The following NLN variants were observed in gnomAD, a reference collection of about 807,000 sequenced individuals.
NLN encodes the protein neurolysin.
A neutral mutation model predicts 79.9 loss-of-function variants in NLN; 64 were observed. The observed-to-expected ratio is 0.80, with a 90% CI of 0.65 to 0.99. The LOEUF is 0.99. Among genes scored for constraint, NLN ranks in the 50% least tolerant of loss-of-function variants. The pLI is 0.00. For missense variants in NLN, 835 were observed against 858.7 expected, an observed-to-expected ratio of 0.97 and a Z score of 0.34; for synonymous variants, 267 against 296.6, an observed-to-expected ratio of 0.90 and a Z score of 1.02.
At chr5:65,771,963 C>CAA (rs3081187) in intron 3 of NLN, among the ~76,000 whole-genome samples, 8,199 of 137,734 alleles carry the variant, frequency 0.06, 431 homozygotes, top group African/African-American at 0.14. Flanking sequence ...AAAACAATGA[C>CAA]AAAAAAAAAA....
chr5:65,787,499 A>C (rs1759956571), intron 7 of NLN, among the ~76,000 whole-genome samples: 2 of 152,214 alleles, frequency 1.3e-5, no homozygotes, highest in Admixed American at 6.5e-5. Context: ...AATGTAAAAA[A>C]TAAATACATA....
Position 65,785,875 on chromosome 5 carries a change from C to A in NLN, c.923C>A (p.Thr308Asn). The part of the protein sequence containing the change: ...THADFVLEMN[T>N]AKSTSRVTAF... The stretch of plus-strand genomic sequence containing the variant: ...GCTGACTTCGTCCTTGAAATGAACA[C>A]TGCAAAGAGCACAAGCCGCGTAACA... The change falls in exon 7 of 13, where the codon ACT (threonine) becomes AAT (asparagine). Residue 308 changes from threonine (T) to asparagine (N), a missense_variant. Physicochemically the swap from Thr to Asn is moderately conservative, Grantham distance 65. Coordinates refer to ENST00000380985, the MANE Select transcript of NLN (RefSeq NM_020726.5). 1 of 1,613,738 alleles carries A rather than the reference C, an allele frequency of 6.2e-7. No homozygotes were observed. Among genetic ancestry groups the A allele is most frequent in the Non-Finnish European group, 8.5e-7 (1 of 1,179,808 alleles).
At chr5:65,775,054 C>T (rs965510659) in intron 3 of NLN, among the ~76,000 whole-genome samples, 70 of 152,148 alleles carry the variant, frequency 4.6e-4, no homozygotes, top group Non-Finnish European at 4.7e-4. Context: ...GACCTAATTC[C>T]GGGCTGATTT....
chr5:65,750,959 A>C (rs896049720), intron 1 of NLN, among the ~76,000 whole-genome samples: 6 of 152,166 alleles, frequency 3.9e-5, no homozygotes, highest in Non-Finnish European at 7.3e-5. Flanking sequence ...TAGTCAAAAC[A>C]ATGGCTAGAA....
At chr5:65,813,613 C>A (rs1488822495) in intron 12 of NLN, among the ~76,000 whole-genome samples, 2 of 152,154 alleles carry the variant, frequency 1.3e-5, no homozygotes, top group Non-Finnish European at 2.9e-5. Flanking sequence ...CAGATGATCT[C>A]TCCTCTTTAT....
At position 65,788,529 on chromosome 5, in the gene NLN, A is replaced by G. The variant is rs113867981; in HGVS notation, c.1325+45A>G. ...TGGAAGGGACCTTAGGGATTCAGCT[A>G]TGCCTACTTTAAGACTCTACTCTTG... On this transcript the variant is annotated intron_variant, in intron 8 of 12. Transcript: ENST00000380985. 36 of 1,576,190 alleles carry G rather than the reference A, an allele frequency of 2.3e-5. 2 individuals are homozygous for G. In the African/African-American group the frequency reaches 2.4e-4, roughly 11 times the overall value.
intron 5 of NLN, 51 bp downstream of exon 5, chr5:65,780,332 G>A (rs1458191886): frequency 2.9e-6 from 2 of 680,730 alleles, no homozygotes; most frequent in Non-Finnish European, 5.1e-6. Flanking sequence ...GGCAAATAGT[G>A]TTACCTCACA....
chr5:65,776,745 T>C (rs1759688986), intron 3 of NLN, among the ~76,000 whole-genome samples: 1 of 152,204 alleles, frequency 6.6e-6, no homozygotes, highest in Admixed American at 6.5e-5. Flanking sequence ...GGCCCTCTGT[T>C]CTTTTGAGTG....
At chr5:65,788,560 G>C in intron 8 of NLN, 76 bp downstream of exon 8, 1 of 1,425,348 alleles carries the variant, frequency 7.0e-7, no homozygotes, top group Non-Finnish European at 9.7e-7. Context: ...TCTTGGCCAG[G>C]CACAGTGGCT....
intron 3 of NLN, among the ~76,000 whole-genome samples, chr5:65,763,500 G>A (rs1419784037): frequency 1.3e-5 from 2 of 152,140 alleles, no homozygotes; most frequent in South Asian, 2.1e-4. Context: ...GCTGTATGCC[G>A]GAGTCATTCC....
chr5:65,821,112 G>A (rs1017921302), intron 12 of NLN, among the ~76,000 whole-genome samples: 3 of 151,936 alleles, frequency 2.0e-5, no homozygotes, highest in Admixed American at 1.3e-4. Context: ...CAGGAATGGG[G>A]GGCGGAAAGG....
At chr5:65,730,792 C>T (rs1368701865) in intron 1 of NLN, among the ~76,000 whole-genome samples, 1 of 151,992 alleles carries the variant, frequency 6.6e-6, no homozygotes, top group African/African-American at 2.4e-5. Context: ...CCTCAAGTGA[C>T]CCACCTGCCT....
intron 3 of NLN, among the ~76,000 whole-genome samples, chr5:65,774,916 G>C (rs1368954074): frequency 6.6e-6 from 1 of 151,626 alleles, no homozygotes; most frequent in Non-Finnish European, 1.5e-5. Context: ...GTAGAGACGG[G>C]GTTTTGCTAT....
chr5:65,800,793 C>T (rs904787085), intron 9 of NLN, among the ~76,000 whole-genome samples: 8 of 151,802 alleles, frequency 5.3e-5, no homozygotes, highest in South Asian at 2.1e-4. Context: ...CAGGCTCAAG[C>T]GATCCTCCCA....
At chr5:65,733,561 T>C in intron 1 of NLN, 1 of 1,497,634 alleles carries the variant, frequency 6.7e-7, no homozygotes, top group Non-Finnish European at 9.2e-7. Flanking sequence ...GTCAGGGAAG[T>C]CAGGCAGCCC....
Position 65,732,668 on chromosome 5 carries a change from A to C in NLN, c.41+10254A>C, listed in dbSNP as rs1758636335. Among the ~76,000 whole-genome samples, 3 of 144,204 alleles carry C rather than the reference A, an allele frequency of 2.1e-5. No homozygotes were observed. In the South Asian group the frequency reaches 6.5e-4, roughly 31 times the overall value. The allele number at this position is 144,204 out of a possible 152,430, so 94.6% of individuals were successfully genotyped here. ...CGCGGGCACGTCAGGGAACCTTTGC[A>C]GACAGGTGGCCCTAGCTGATGTCCC... On this transcript the variant is annotated intron_variant, in intron 1 of 12. Transcript: ENST00000380985.
At chr5:65,778,447 C>T (rs148906539) in intron 4 of NLN, among the ~76,000 whole-genome samples, 177 of 152,256 alleles carry the variant, frequency 1.2e-3, no homozygotes, top group Non-Finnish European at 1.7e-3. Context: ...CTTTCTCCCA[C>T]GTAAAGCCCT....
intron 12 of NLN, among the ~76,000 whole-genome samples, chr5:65,821,011 C>T (rs1469754546): frequency 6.7e-6 from 1 of 149,028 alleles, no homozygotes; most frequent in Admixed American, 6.7e-5. Context: ...CCACTGCACT[C>T]CACCCTGGGC....
chr5:65,813,639 C>A (rs1760605168), intron 12 of NLN, among the ~76,000 whole-genome samples: 1 of 152,116 alleles, frequency 6.6e-6, no homozygotes, highest in Non-Finnish European at 1.5e-5. Flanking sequence ...AAATTAAGAT[C>A]ATTGAAGCTG....
Sources: gnomAD v4.1 joint callset for allele counts (sites outside exome capture counted in the v4.1 genomes callset) on GRCh38, gnomAD v4.1.1 for gene constraint, MANE v1.5 for transcripts, NCBI Gene and HGNC (gene_info 2026-07-23, HGNC 2026-07-21) for gene names.